TINAGL1: variants seen among roughly 807,000 people sequenced by gnomAD.
TINAGL1 encodes the protein tubulointerstitial nephritis antigen-like.
A neutral mutation model predicts 62.0 loss-of-function variants in TINAGL1; 34 were observed. That is an observed-to-expected ratio of 0.55 (90% CI 0.42 to 0.73). The LOEUF (loss-of-function observed/expected upper bound fraction) is 0.73, where lower values mean the gene tolerates loss of function less well. Ranked by LOEUF, TINAGL1 falls within the 30% of genes least tolerant of loss-of-function variation. TINAGL1 has a pLI of 0.00. For missense variants in TINAGL1, 516 were observed against 653.2 expected (o/e 0.79, Z 2.29); for synonymous variants, 221 against 249.7 (o/e 0.88, Z 1.08).
rs1428095845 is a variant in TINAGL1, at chr1:31,585,844, C to T, written c.1185C>T (p.Arg395=). The part of the protein sequence containing the change: ...PVSLGRPERY[R]RHGTHSVKIT... ...GCCTTGGGAGGCCAGAGAGATACCGCCGGCATGGGACCCACTCAGTCAAGA... is the reference window on the plus strand; with the variant it reads ...GCCTTGGGAGGCCAGAGAGATACCGTCGGCATGGGACCCACTCAGTCAAGA... The change falls in exon 10 of 12, where the codon CGC becomes CGT. Residue 395 remains arginine, a synonymous_variant. Coordinates refer to ENST00000271064, the MANE Select transcript of TINAGL1 (RefSeq NM_022164.3). The surrounding 1 kb of genome is among the most constrained non-coding windows in gnomAD (Gnocchi z 4.3). 2 of 1,605,854 alleles carry T rather than the reference C, an allele frequency of 1.2e-6. No homozygotes were observed. Among genetic ancestry groups the T allele is most frequent in the South Asian group, 2.2e-5 (2 of 89,560 alleles).
chr1:31,580,469 C>T lies in TINAGL1; in HGVS notation c.374+1202C>T, dbSNP rs996828395. ...GTGTCAGAGCCCTCAAAGGATGCTT[C>T]CAGAGTCTAGTCGGGTGCTGCTGCC... On this transcript the variant is annotated intron_variant, in intron 3 of 11. Transcript: ENST00000271064. 21 of 1,289,170 alleles carry T rather than the reference C, an allele frequency of 1.6e-5. No homozygotes were observed. The African/African-American group carries it at 2.3e-4, about 14-fold the overall frequency. 79.9% of individuals were successfully genotyped at this position (1,289,170 alleles called of 1,614,324 possible). A position where few individuals can be genotyped will look rare whatever the true frequency, so the allele number is the denominator to read the frequency against.
Position 31,587,201 on chromosome 1 carries a change from C to A in TINAGL1, c.*222C>A. 1 of 577,716 alleles carries A rather than the reference C, an allele frequency of 1.7e-6. No homozygotes were observed. The highest frequency in any genetic ancestry group is 2.6e-6 in the Non-Finnish European group (1 of 389,108). 35.8% of individuals were successfully genotyped at this position (577,716 alleles called of 1,614,324 possible). On this transcript the variant is annotated 3_prime_UTR_variant, in exon 12 of 12. Coordinates refer to ENST00000271064, the MANE Select transcript of TINAGL1 (RefSeq NM_022164.3). The stretch of plus-strand genomic sequence containing the variant: ...CCCAGACCTCCCAGTGGGGACGGGG[C>A]AGGGCCTGGCCTGGGAAGAGCACAG...
In TINAGL1 at chr1:31,577,584, C is replaced by A; in HGVS notation, c.310+126C>A. On this transcript the variant is annotated intron_variant, in intron 2 of 11. Transcript: ENST00000271064. This position sits in a 1 kb window ranked among gnomAD's most constrained non-coding sequence, Gnocchi z 5.4. ...AGCTCTGTAGAATCTGGGACTCTTC[C>A]CTGCCCCTCTGGGAACTTTACTCTC... The A allele has an allele frequency of 9.3e-7, 1 of 1,070,778 alleles. No homozygotes were observed. The highest frequency in any genetic ancestry group is 1.3e-6 in the Non-Finnish European group (1 of 751,718). The allele number at this position is 1,070,778 out of a possible 1,614,324, so 66.3% of individuals were successfully genotyped here. A position where few individuals can be genotyped will look rare whatever the true frequency, so the allele number is the denominator to read the frequency against.
Position 31,584,787 on chromosome 1 carries a change from C to T in TINAGL1, c.692C>T (p.Ala231Val). The T allele has an allele frequency of 9.9e-6, 16 of 1,614,260 alleles. No individual in the cohort carries two copies. Among genetic ancestry groups the T allele is most frequent in the Non-Finnish European group, 1.3e-5 (15 of 1,180,032 alleles). Reference sequence around the variant, plus strand: ...CAAGGCAACTGTGCAGGCTCCTGGGCCTTCTCCACAGCAGGTAAGCCAAGG... The same window carrying T: ...CAAGGCAACTGTGCAGGCTCCTGGGTCTTCTCCACAGCAGGTAAGCCAAGG... ...LDQGNCAGSW[A>V]FSTAAVASDR... is the part of the protein sequence containing the mutation. Residue 231 changes from alanine to valine, a missense_variant, in exon 6 of 12, where the codon GCC becomes GTC. Transcript: ENST00000271064. The surrounding 1 kb of genome is among the most constrained non-coding windows in gnomAD (Gnocchi z 4.0).
intron 3 of TINAGL1, chr1:31,580,742 T>C (rs1639222955): frequency 3.2e-6 from 4 of 1,244,596 alleles, no homozygotes; most frequent in Admixed American, 2.7e-5. Flanking sequence ...GTTATGAGCT[T>C]GTAAAAGCAT....
rs1003577284 is a variant in TINAGL1, at chr1:31,577,722, C to T, written c.310+264C>T. 8 of 499,588 alleles carry T rather than the reference C, an allele frequency of 1.6e-5. No homozygotes were observed. Among genetic ancestry groups the T allele is most frequent in the African/African-American group, 3.9e-5 (2 of 51,888 alleles). The allele number at this position is 499,588 out of a possible 1,614,324, so 30.9% of individuals were successfully genotyped here. A position where few individuals can be genotyped will look rare whatever the true frequency, so the allele number is the denominator to read the frequency against. Reference sequence around the variant, plus strand: ...TTTTCCAGACACGGAAGGTGCTGGCCGCACCTGCTGACTCACTCTTGGGCT... The same window carrying T: ...TTTTCCAGACACGGAAGGTGCTGGCTGCACCTGCTGACTCACTCTTGGGCT... On this transcript the variant is annotated intron_variant, in intron 2 of 11. Transcript: ENST00000271064. This position sits in a 1 kb window ranked among gnomAD's most constrained non-coding sequence, Gnocchi z 5.4.
Position 31,585,370 on chromosome 1 carries a change from G to C in TINAGL1, c.1047+30G>C. The C allele has an allele frequency of 6.2e-7, 1 of 1,605,896 alleles. No homozygotes were observed. The highest frequency in any genetic ancestry group is 8.5e-7 in the Non-Finnish European group (1 of 1,174,896). On this transcript the variant is annotated intron_variant, in intron 8 of 11. Coordinates refer to ENST00000271064, the MANE Select transcript of TINAGL1 (RefSeq NM_022164.3). This position sits in a 1 kb window ranked among gnomAD's most constrained non-coding sequence, Gnocchi z 4.3. ...GTCAGCACTTGGGTGAGGGCGCCGA[G>C]GCAGGAGGGTTGTGAAAGCCTGGAG... is the stretch of plus-strand genomic sequence containing the variant.
rs775188538 is a variant in TINAGL1 at position 31,585,716 on chromosome 1, C to A, written c.1094-37C>A. On this transcript the variant is annotated intron_variant, in intron 9 of 11. Transcript: ENST00000271064. The surrounding 1 kb of genome is among the most constrained non-coding windows in gnomAD (Gnocchi z 4.3). ...ACTCAGGCTCCAGTGCCTGTGCCAACGGGCTGAGTGGACCCTACCTTGACA... is the reference window on the plus strand; with the variant it reads ...ACTCAGGCTCCAGTGCCTGTGCCAAAGGGCTGAGTGGACCCTACCTTGACA... 6.3e-7 allele frequency: 1 copy of A among 1,598,726 alleles called. No homozygotes were observed. Among genetic ancestry groups the A allele is most frequent in the South Asian group, 1.1e-5 (1 of 88,396 alleles).
chr1:31,583,372 A>G lies in TINAGL1; in HGVS notation c.468-89A>G. The G allele has an allele frequency of 6.8e-7, 1 of 1,463,754 alleles. No individual in the cohort carries two copies. The highest frequency in any genetic ancestry group is 1.2e-5 in the South Asian group (1 of 85,620). The allele number at this position is 1,463,754 out of a possible 1,614,324, so 90.7% of individuals were successfully genotyped here. A position where few individuals can be genotyped will look rare whatever the true frequency, so the allele number is the denominator to read the frequency against. On this transcript the variant is annotated intron_variant, in intron 4 of 11. Coordinates refer to ENST00000271064, the MANE Select transcript of TINAGL1 (RefSeq NM_022164.3). This position sits in a 1 kb window ranked among gnomAD's most constrained non-coding sequence, Gnocchi z 4.4. ...GATTTGACTGTGTGTGCGCTCAGCC[A>G]CTGTGCGTCTCTCCCACCCACATGC...
In TINAGL1 at chr1:31,577,771, A is replaced by G. The variant is rs1639034846; in HGVS notation, c.310+313A>G. 6 of 318,650 alleles carry G rather than the reference A, an allele frequency of 1.9e-5. No homozygotes were observed. The allele number at this position is 318,650 out of a possible 1,614,324, so 19.7% of individuals were successfully genotyped here. A position where few individuals can be genotyped will look rare whatever the true frequency, so the allele number is the denominator to read the frequency against. On this transcript the variant is annotated intron_variant, in intron 2 of 11. Transcript: ENST00000271064. The surrounding 1 kb of genome is among the most constrained non-coding windows in gnomAD (Gnocchi z 5.4). ...CTGATAAGGCACATATGGGTTGGTG[A>G]GGGTCATCTTAGCCATTTTTCTGCC... is the stretch of plus-strand genomic sequence containing the variant.
At chr1:31,586,796 C>T (rs996894321) in intron 11 of TINAGL1, 41 bp downstream of exon 11, 67 of 1,548,572 alleles carry the variant, frequency 4.3e-5, no homozygotes, top group African/African-American at 9.6e-5. Context: ...CTTCCCCTCG[C>T]CCCACTCCCA....
intron 10 of TINAGL1, 151 bp downstream of exon 10, chr1:31,586,027 G>A (rs1639382485): frequency 8.7e-7 from 1 of 1,143,698 alleles, no homozygotes; most frequent in Non-Finnish European, 1.2e-6. Context: ...AAAGAGAAAG[G>A]ACTTGCCCTG....
intron 3 of TINAGL1, among the ~76,000 whole-genome samples, chr1:31,582,517 G>T (rs1400523217): frequency 1.3e-5 from 2 of 152,086 alleles, no homozygotes; most frequent in Non-Finnish European, 2.9e-5. Flanking sequence ...GGAGGGTTTT[G>T]GGCAGAGGAA....
In TINAGL1 at chr1:31,585,457, G is replaced by A. The variant is rs1639366284; in HGVS notation, c.1065G>A (p.Lys355=). ...CCCTCCAGGACAAGGAGATCATGAA[G>A]GAGCTGATGGAGAATGGCCCTGTCC... is the stretch of plus-strand genomic sequence containing the variant. The part of the protein sequence containing the change: ...RLGSNDKEIM[K]ELMENGPVQA... The change falls in exon 9 of 12, where the codon AAG becomes AAA. Residue 355 remains lysine (K), a synonymous_variant. Transcript: ENST00000271064. This position sits in a 1 kb window ranked among gnomAD's most constrained non-coding sequence, Gnocchi z 4.3. 1 of 1,614,098 alleles carries A rather than the reference G, an allele frequency of 6.2e-7. No individual in the cohort carries two copies. Among genetic ancestry groups the A allele is most frequent in the Non-Finnish European group, 8.5e-7 (1 of 1,180,018 alleles).
Position 31,585,661 on chromosome 1 carries a change from G to A in TINAGL1, c.1094-92G>A. 6.5e-7 allele frequency: 1 copy of A among 1,547,296 alleles called. No individual in the cohort carries two copies. Among genetic ancestry groups the A allele is most frequent in the Non-Finnish European group, 8.7e-7 (1 of 1,145,208 alleles). ...GAGCACTTAGAGCTTTGGTATGGAG[G>A]GACCCTGGTGCCTGGGCACATCTCA... On this transcript the variant is annotated intron_variant, in intron 9 of 11. Coordinates refer to ENST00000271064, the MANE Select transcript of TINAGL1 (RefSeq NM_022164.3). This position sits in a 1 kb window ranked among gnomAD's most constrained non-coding sequence, Gnocchi z 4.3.
intron 3 of TINAGL1, among the ~76,000 whole-genome samples, chr1:31,580,027 G>A (rs1639173410): frequency 6.6e-6 from 1 of 151,916 alleles, no homozygotes; most frequent in African/African-American, 2.4e-5. Flanking sequence ...GAACGTTTCA[G>A]CATGTGTCTG....
chr1:31,586,906 A>G lies in TINAGL1; in HGVS notation c.1331A>G (p.Asn444Ser), dbSNP rs368285053. Residue 444 changes from asparagine (N) to serine (S), a missense_variant, in exon 12 of 12, where the codon AAT (asparagine) becomes AGT (serine). Transcript: ENST00000271064. ...RGHFRIVRGV[N>S]ECDIESFVLG... is the part of the protein sequence containing the mutation. Reference sequence around the variant, plus strand: ...CACTTCCGCATCGTGCGCGGCGTCAATGAGTGCGACATCGAGAGCTTCGTG... The same window carrying G: ...CACTTCCGCATCGTGCGCGGCGTCAGTGAGTGCGACATCGAGAGCTTCGTG... 4.2e-5 allele frequency: 65 copies of G among 1,548,506 alleles called. No individual in the cohort carries two copies. The highest frequency in any genetic ancestry group is 5.2e-5 in the Non-Finnish European group (60 of 1,148,990).
chr1:31,580,197 C>CTCTCTCTCTCTCTCTG, intron 3 of TINAGL1: 1 of 437,472 alleles, frequency 2.3e-6, no homozygotes, highest in South Asian at 4.9e-5. Context: ...CTCTCTCTCT[C>CTCTCTCTCTCTCTCTG]TCTCTCTCTC....
intron 2 of TINAGL1, chr1:31,578,120 G>C (rs1639050775): frequency 1.0e-6 from 1 of 986,084 alleles, no homozygotes; most frequent in Non-Finnish European, 1.2e-6. Context: ...GGAATGTTGT[G>C]GCTGGCATCC....
Sources: allele counts gnomAD v4.1 joint callset (sites outside exome capture counted in the v4.1 genomes callset), GRCh38; gene constraint gnomAD v4.1.1; non-coding constraint Gnocchi (gnomAD v3.1); transcripts MANE v1.5; gene names NCBI Gene and HGNC (gene_info 2026-07-23, HGNC 2026-07-21).